Variants in GALNTL6 observed in about 807,000 individuals in gnomAD.
The protein encoded by GALNTL6 is polypeptide N-acetylgalactosaminyltransferase-like 6.
GALNTL6 carries 46 observed loss-of-function variants against 73.7 expected under a neutral mutation model. The observed-to-expected ratio is 0.62, with a 90% CI of 0.49 to 0.80. The LOEUF (loss-of-function observed/expected upper bound fraction) is 0.80, where lower values mean the gene tolerates loss of function less well. Ranked by LOEUF, GALNTL6 falls within the 30% of genes least tolerant of loss-of-function variation. The pLI is 0.00. For missense variants in GALNTL6, 604 were observed against 755.0 expected (o/e 0.80, Z 2.34); for synonymous variants, 259 against 263.7 (o/e 0.98, Z 0.17).
rs1404281017 is a variant in GALNTL6 at position 172,453,791 on chromosome 4, TTTTCTTCTA to T, written c.553+105103_553+105111del. ...AGATGCTGAATGCATTTATCTGCTT[TTTTCTTCTA>T]ATTCAACAGGCCACTGCGACACCCT... On this transcript the variant is annotated intron_variant, in intron 5 of 12. Coordinates refer to ENST00000506823, the MANE Select transcript of GALNTL6 (RefSeq NM_001034845.3). 9.2e-3 allele frequency among the ~76,000 whole-genome samples: 1,400 copies of T among 152,298 alleles called. 20 individuals carry two copies. The highest frequency in any genetic ancestry group is 0.032 in the African/African-American group (1,319 of 41,556).
chr4:172,662,822 A>G (rs1484347211), intron 5 of GALNTL6, among the ~76,000 whole-genome samples: 1 of 152,208 alleles, frequency 6.6e-6, no homozygotes, highest in East Asian at 1.9e-4. Context: ...GGTAAAAAGT[A>G]AGAAGAAAAT....
At chr4:172,737,049 G>A (rs1026576386) in intron 5 of GALNTL6, among the ~76,000 whole-genome samples, 2 of 152,082 alleles carry the variant, frequency 1.3e-5, no homozygotes, top group African/African-American at 4.8e-5. Flanking sequence ...ACAGTCTTGG[G>A]TATGTCTTAT....
intron 5 of GALNTL6, among the ~76,000 whole-genome samples, chr4:172,546,786 A>ATATATATATGTG (rs1735771243): frequency 1.0e-4 from 1 of 9,850 alleles, no homozygotes; most frequent in African/African-American, 2.8e-4. Flanking sequence ...ACTCCGCTTT[A>ATATATATATGTG]TATATATATA....
chr4:172,283,529 A>G (rs1405545408), intron 3 of GALNTL6, among the ~76,000 whole-genome samples: 3 of 152,150 alleles, frequency 2.0e-5, no homozygotes, highest in Non-Finnish European at 1.5e-5. Flanking sequence ...TCATTTTCCT[A>G]AACAGAAGGA....
intron 5 of GALNTL6, among the ~76,000 whole-genome samples, chr4:172,473,413 A>G (rs1332330075): frequency 6.6e-6 from 1 of 152,138 alleles, no homozygotes; most frequent in African/African-American, 2.4e-5. Flanking sequence ...TGTATCATAT[A>G]CACTGTTTTG....
chr4:172,409,421 C>A (rs1223414285), intron 5 of GALNTL6, among the ~76,000 whole-genome samples: 2 of 151,870 alleles, frequency 1.3e-5, no homozygotes, highest in Non-Finnish European at 2.9e-5. Context: ...TTTTGTAATG[C>A]ATGCTACTAC....
chr4:172,110,355 A>C (rs762680737), intron 2 of GALNTL6, among the ~76,000 whole-genome samples: 5 of 152,216 alleles, frequency 3.3e-5, no homozygotes, highest in African/African-American at 4.8e-5. Flanking sequence ...CCATCAGTAT[A>C]GCTATCATTA....
chr4:172,831,157 C>CAAAAAAAAAAAA (rs60870698), intron 7 of GALNTL6, among the ~76,000 whole-genome samples: 58 of 63,902 alleles, frequency 9.1e-4, no homozygotes, highest in Non-Finnish European at 1.3e-3. Flanking sequence ...GACTCCCTCT[C>CAAAAAAAAAAAA]AAAAAAAAAA....
intron 5 of GALNTL6, among the ~76,000 whole-genome samples, chr4:172,561,658 C>T (rs950811967): frequency 3.3e-5 from 5 of 152,134 alleles, no homozygotes; most frequent in African/African-American, 9.7e-5. Flanking sequence ...CTGTTTCCTC[C>T]GTCAATATGT....
intron 8 of GALNTL6, among the ~76,000 whole-genome samples, chr4:172,883,407 C>T (rs7677543): frequency 0.1 from 15,642 of 152,216 alleles, 1,190 homozygotes; most frequent in African/African-American, 0.21. Context: ...GTGCTGGCAT[C>T]TGCTTCTGGT....
At chr4:172,927,979 G>T (rs930042942) in intron 8 of GALNTL6, among the ~76,000 whole-genome samples, 9 of 152,150 alleles carry the variant, frequency 5.9e-5, no homozygotes, top group African/African-American at 2.2e-4. Flanking sequence ...AGATATTGTG[G>T]TGTCTAATTT....
chr4:172,575,930 G>A (rs557622750), intron 5 of GALNTL6, among the ~76,000 whole-genome samples: 3 of 152,278 alleles, frequency 2.0e-5, no homozygotes, highest in Middle Eastern at 3.4e-3. Context: ...TTATAAAATG[G>A]TGTTTTAAGG....
At chr4:172,819,890 G>A (rs527252399) in intron 7 of GALNTL6, among the ~76,000 whole-genome samples, 1 of 152,242 alleles carries the variant, frequency 6.6e-6, no homozygotes, top group East Asian at 1.9e-4. Context: ...TACTCAAATA[G>A]GGAAAAAACC....
At chr4:172,441,143 T>C (rs908416984) in intron 5 of GALNTL6, among the ~76,000 whole-genome samples, 1 of 152,138 alleles carries the variant, frequency 6.6e-6, no homozygotes, top group Non-Finnish European at 1.5e-5. Context: ...TCCAGCTGGC[T>C]ACACACATAC....
chr4:172,852,733 T>A (rs1743902049), intron 7 of GALNTL6, among the ~76,000 whole-genome samples: 1 of 152,154 alleles, frequency 6.6e-6, no homozygotes, highest in Non-Finnish European at 1.5e-5. Context: ...GTAGGTTGGA[T>A]TTTTCATTAG....
At chr4:172,856,046 A>T (rs1744106487) in intron 7 of GALNTL6, among the ~76,000 whole-genome samples, 1 of 152,188 alleles carries the variant, frequency 6.6e-6, no homozygotes, top group African/African-American at 2.4e-5. Flanking sequence ...TGTCTCTTCA[A>T]GGGCTATGGT....
At chr4:172,219,128 G>A (rs1433372988) in intron 2 of GALNTL6, among the ~76,000 whole-genome samples, 6 of 135,770 alleles carry the variant, frequency 4.4e-5, no homozygotes, top group Middle Eastern at 4.8e-3. Context: ...TTAAAAAAAA[G>A]CCAAATTAAA....
intron 5 of GALNTL6, among the ~76,000 whole-genome samples, chr4:172,765,107 C>G (rs557417678): frequency 5.9e-5 from 9 of 152,300 alleles, no homozygotes; most frequent in Middle Eastern, 3.4e-3. Context: ...GAGTTTTCAA[C>G]TGTATATCAC....
rs375589817 is a variant in GALNTL6 at position 171,918,175 on chromosome 4, C to T, written c.138+103457C>T. Reference sequence around the variant, plus strand: ...TCTTGTTTCTTTAAGTTTCAACTTACGGGCGTTAAGTTGGCCCTTTGGGAT... The same window carrying T: ...TCTTGTTTCTTTAAGTTTCAACTTATGGGCGTTAAGTTGGCCCTTTGGGAT... On this transcript the variant is annotated intron_variant, in intron 2 of 12. Coordinates refer to ENST00000506823, the MANE Select transcript of GALNTL6 (RefSeq NM_001034845.3). Among the ~76,000 whole-genome samples, 21 of 152,082 alleles carry T rather than the reference C, an allele frequency of 1.4e-4. No homozygotes were observed. The South Asian group carries it at 2.1e-3, about 15-fold the overall frequency.
Sources: allele counts gnomAD v4.1 joint callset (sites outside exome capture counted in the v4.1 genomes callset), GRCh38; gene constraint gnomAD v4.1.1; transcripts MANE v1.5; gene names NCBI Gene and HGNC (gene_info 2026-07-23, HGNC 2026-07-21).